The following LIMCH1 variants were observed in gnomAD, a reference collection of about 807,000 sequenced individuals.
The protein encoded by LIMCH1 is LIM and calponin homology domains-containing protein 1.
A neutral mutation model predicts 176.5 loss-of-function variants in LIMCH1; 113 were observed. The ratio of observed to expected loss-of-function variants is 0.64; its 90% CI spans 0.55 to 0.75. The LOEUF is 0.75. LIMCH1 is among the 30% of genes least tolerant of loss of function. The probability of loss-of-function intolerance (pLI) is 0.00; values close to 1 mark genes in which losing one functional copy is unlikely to be tolerated. For synonymous variants in LIMCH1, 619 were observed against 645.9 expected (o/e 0.96, Z 0.63); for missense variants, 1,674 against 1,814.9 (o/e 0.92, Z 1.41).
chr4:41,406,610 T>G (rs1273091000), intron 1 of LIMCH1, among the ~76,000 whole-genome samples: 1 of 152,214 alleles, frequency 6.6e-6, no homozygotes, highest in Non-Finnish European at 1.5e-5. Context: ...AAAAAATTAT[T>G]GAAATGTCAA....
At chr4:41,536,163 G>A (rs1316291084), upstream of LIMCH1, among the ~76,000 whole-genome samples, 1 of 152,104 alleles carries the variant, frequency 6.6e-6, no homozygotes, top group Non-Finnish European at 1.5e-5. Flanking sequence ...CTAATTCTTA[G>A]CATGTATTCC....
Position 41,429,804 on chromosome 4 carries a change from G to A in LIMCH1, c.97-64732G>A, listed in dbSNP as rs569420841. On this transcript the variant is annotated intron_variant, in intron 1 of 26. Coordinates refer to the LIMCH1 transcript ENST00000313860. ...CTATGCTACATATCCATGGAGGGCT[G>A]GCCTTCATGTAGGCCTTCATGTAGA... Among the ~76,000 whole-genome samples, 159 of 152,260 alleles carry A rather than the reference G, an allele frequency of 1.0e-3. 1 individual carries two copies. Among genetic ancestry groups the A allele is most frequent in the Non-Finnish European group, 2.0e-3 (133 of 68,006 alleles).
chr4:41,429,347 C>T (rs984101404), intron 1 of LIMCH1, among the ~76,000 whole-genome samples: 5 of 151,796 alleles, frequency 3.3e-5, no homozygotes, highest in South Asian at 2.1e-4. Context: ...AATTCACTTG[C>T]GTTTAGCCAT....
intron 1 of LIMCH1, among the ~76,000 whole-genome samples, chr4:41,399,195 C>A (rs2058109912): frequency 6.6e-6 from 1 of 152,030 alleles, no homozygotes; most frequent in Non-Finnish European, 1.5e-5. Context: ...GCAAATCAGC[C>A]TGTTGTTTAT....
chr4:41,450,270 T>C (rs2063722777), intron 1 of LIMCH1, among the ~76,000 whole-genome samples: 1 of 152,204 alleles, frequency 6.6e-6, no homozygotes. Context: ...TTTATTTATA[T>C]TTATTTCATC....
chr4:41,545,636 A>C (rs2079273179), intron 1 of LIMCH1, among the ~76,000 whole-genome samples: 1 of 152,144 alleles, frequency 6.6e-6, no homozygotes, highest in South Asian at 2.1e-4. Context: ...TTGCAACTTG[A>C]GTTATAGGGT....
chr4:41,448,050 C>G (rs1439842616), intron 1 of LIMCH1, among the ~76,000 whole-genome samples: 1 of 152,168 alleles, frequency 6.6e-6, no homozygotes, highest in Admixed American at 6.5e-5. Flanking sequence ...CTTGGCCTCC[C>G]AAAGTGCTGG....
chr4:41,661,880 C>A, intron 19 of LIMCH1: 1 of 386,388 alleles, frequency 2.6e-6, no homozygotes, highest in African/African-American at 2.1e-5. Context: ...TAAAAATAGA[C>A]GCTGAAATGG....
At chr4:41,592,340 T>C (rs2087762676) in intron 1 of LIMCH1, among the ~76,000 whole-genome samples, 3 of 152,224 alleles carry the variant, frequency 2.0e-5, no homozygotes, top group Admixed American at 6.5e-5. Context: ...AAATGATGGC[T>C]TATAAGCAGC....
At chr4:41,660,094 G>A (rs978410092) in intron 18 of LIMCH1, among the ~76,000 whole-genome samples, 3 of 151,916 alleles carry the variant, frequency 2.0e-5, no homozygotes, top group African/African-American at 7.3e-5. Context: ...ATATGTTTAT[G>A]TATAGGCATG....
Position 41,678,890 on chromosome 4 carries a change from T to A in LIMCH1, c.3520-1116T>A, listed in dbSNP as rs187318726. 3.3e-4 allele frequency among the ~76,000 whole-genome samples: 51 copies of A among 152,334 alleles called. No homozygotes were observed. In the East Asian group the frequency reaches 9.4e-3, roughly 28 times the overall value. On this transcript the variant is annotated intron_variant, in intron 23 of 31. Coordinates refer to ENST00000503057, the MANE Select transcript of LIMCH1 (RefSeq NM_001330672.2). ...TCAGCTTTTATGTAGTTTTAAGGTCTCCTTCCTGTGCCCCTGAAGTCCCTC... is the reference window on the plus strand; with the variant it reads ...TCAGCTTTTATGTAGTTTTAAGGTCACCTTCCTGTGCCCCTGAAGTCCCTC...
intron 1 of LIMCH1, among the ~76,000 whole-genome samples, chr4:41,438,327 G>C (rs1452860598): frequency 6.6e-6 from 1 of 151,876 alleles, no homozygotes; most frequent in Non-Finnish European, 1.5e-5. Flanking sequence ...ACTCATACCT[G>C]GTCCTGTCTG....
chr4:41,448,692 C>G, intron 1 of LIMCH1, among the ~76,000 whole-genome samples: 1 of 152,054 alleles, frequency 6.6e-6, no homozygotes, highest in Middle Eastern at 3.2e-3. Context: ...ATTTTTATGA[C>G]TTTGAAAGGA....
intron 1 of LIMCH1, among the ~76,000 whole-genome samples, chr4:41,480,754 CT>C (rs1283577059): frequency 6.6e-6 from 1 of 152,194 alleles, no homozygotes; most frequent in Admixed American, 6.5e-5. Context: ...TCTTTCTAGA[CT>C]CTTCCTTCTC....
At chr4:41,592,395 G>C (rs1584584176) in intron 1 of LIMCH1, among the ~76,000 whole-genome samples, 1 of 152,244 alleles carries the variant, frequency 6.6e-6, no homozygotes, top group East Asian at 1.9e-4. Context: ...CCCTAAATTT[G>C]AGGCTGTTTG....
rs61474012 is a variant in LIMCH1, at chr4:41,546,442, AT to A, written c.-241+8104del. ...GCATGAGCCACCATGCCCAGCCTGTATTTTTTTTTTTTAATAAAAATAATCC... is the reference window on the plus strand; with the variant it reads ...GCATGAGCCACCATGCCCAGCCTGTATTTTTTTTTTTAATAAAAATAATCC... On this transcript the variant is annotated intron_variant, in intron 1 of 31. Transcript: ENST00000503057. Among the ~76,000 whole-genome samples the A allele has an allele frequency of 8.4e-3, 1,208 of 144,372 alleles. 11 individuals are homozygous for A. The highest frequency in any genetic ancestry group is 0.025 in the African/African-American group (1,009 of 39,774). 94.7% of individuals were successfully genotyped at this position (144,372 alleles called of 152,430 possible).
intron 1 of LIMCH1, among the ~76,000 whole-genome samples, chr4:41,595,620 T>G (rs1013245734): frequency 2.0e-5 from 3 of 152,192 alleles, no homozygotes; most frequent in Non-Finnish European, 4.4e-5. Context: ...TGGCAAATGC[T>G]TGAAGAGTGT....
At chr4:41,431,708 T>C (rs1561351379) in intron 1 of LIMCH1, among the ~76,000 whole-genome samples, 1 of 152,204 alleles carries the variant, frequency 6.6e-6, no homozygotes, top group African/African-American at 2.4e-5. Flanking sequence ...TCTACTCACA[T>C]TTTCCCTCAC....
At chr4:41,433,434 A>G (rs2061777113) in intron 1 of LIMCH1, among the ~76,000 whole-genome samples, 2 of 152,182 alleles carry the variant, frequency 1.3e-5, no homozygotes, top group South Asian at 2.1e-4. Flanking sequence ...TTAAGATTCC[A>G]TGAGTTGACT....
Sources: allele counts gnomAD v4.1 joint callset (sites outside exome capture counted in the v4.1 genomes callset), GRCh38; gene constraint gnomAD v4.1.1; transcripts MANE v1.5; gene names NCBI Gene and HGNC (gene_info 2026-07-23, HGNC 2026-07-21).